The following DDRGK1 variants were observed in gnomAD, a reference collection of about 807,000 sequenced individuals.
DDRGK1 encodes DDRGK domain-containing protein 1.
In DDRGK1, 38 loss-of-function variants were observed where a neutral mutation model predicts 45.8. That is an observed-to-expected ratio of 0.83 (90% confidence interval 0.64 to 1.09). DDRGK1 has a LOEUF of 1.09. Ranked by LOEUF, DDRGK1 falls within the 50% of genes least tolerant of loss-of-function variation. The probability of loss-of-function intolerance (pLI) is 0.00; values close to 1 mark genes in which losing one functional copy is unlikely to be tolerated. For missense variants in DDRGK1, 403 were observed against 419.9 expected (o/e 0.96, Z 0.35); for synonymous variants, 171 against 168.7 (o/e 1.01, Z -0.11).
chr20:3,191,225 C>T lies in DDRGK1; in HGVS notation c.743G>A (p.Arg248His), dbSNP rs770146758. Reference protein sequence around the residue: ...VGLRTQDTINRIQDLLAEGTI... With the variant: ...VGLRTQDTINHIQDLLAEGTI... Reference sequence around the variant, plus strand: ...CCCCTCAGCCAGCAGGTCCTGGATGCGATTTATGGTGTCCTATGAGGAGAA... The same window carrying T: ...CCCCTCAGCCAGCAGGTCCTGGATGTGATTTATGGTGTCCTATGAGGAGAA... The change falls in exon 8 of 9, where the codon CGC becomes CAC. Residue 248 changes from arginine (R) to histidine (H), a missense_variant. Coordinates refer to ENST00000354488, the MANE Select transcript of DDRGK1 (RefSeq NM_023935.3). 1.6e-5 allele frequency: 26 copies of T among 1,614,074 alleles called. No individual in the cohort carries two copies. The highest frequency in any genetic ancestry group is 9.9e-5 in the South Asian group (9 of 91,096).
At position 3,194,887 on chromosome 20, in the gene DDRGK1, C is replaced by G. The variant is rs765411614; in HGVS notation, c.634-19G>C. The G allele has an allele frequency of 1.1e-5, 18 of 1,613,550 alleles. No individual in the cohort carries two copies. In the Admixed American group the frequency reaches 2.5e-4, roughly 22 times the overall value. On this transcript the variant is annotated intron_variant, in intron 5 of 8. Transcript: ENST00000354488. Reference sequence around the variant, plus strand: ...TCTGGGACTAGAGAAGCAGAGAAATCAGGGTGAGCACCCCCTAGCAAGCCC... The same window carrying G: ...TCTGGGACTAGAGAAGCAGAGAAATGAGGGTGAGCACCCCCTAGCAAGCCC...
intron 6 of DDRGK1, among the ~76,000 whole-genome samples, chr20:3,193,252 C>A (rs75358205): frequency 6.6e-6 from 1 of 151,996 alleles, no homozygotes; most frequent in Admixed American, 6.6e-5. Flanking sequence ...AATCTTAAGG[C>A]AAAAAAGGTC....
intron 6 of DDRGK1, among the ~76,000 whole-genome samples, chr20:3,193,482 T>C (rs1028661447): frequency 6.6e-6 from 1 of 152,200 alleles, no homozygotes; most frequent in Non-Finnish European, 1.5e-5. Flanking sequence ...GTGATTCTCC[T>C]GCCTCAGCCT....
At chr20:3,191,383 G>T in intron 7 of DDRGK1, 145 bp from the exon 8 acceptor site, 1 of 912,060 alleles carries the variant, frequency 1.1e-6, no homozygotes. Context: ...CCTTTGGAAG[G>T]GCCCTGGGTA....
intron 6 of DDRGK1, among the ~76,000 whole-genome samples, chr20:3,193,163 A>C (rs2066996387): frequency 6.6e-6 from 1 of 152,234 alleles, no homozygotes; most frequent in South Asian, 2.1e-4. Context: ...ATGGTCAGAC[A>C]GGAGAATGGA....
Position 3,190,529 on chromosome 20 carries a change from C to T in DDRGK1, c.*124G>A. 8.0e-7 allele frequency: 1 copy of T among 1,251,788 alleles called. No individual in the cohort carries two copies. Among genetic ancestry groups the T allele is most frequent in the Non-Finnish European group, 1.1e-6 (1 of 895,172 alleles). The allele number at this position is 1,251,788 out of a possible 1,614,324, so 77.5% of individuals were successfully genotyped here. ...CCAAGCCACACCAAGCTCAGCAGTA[C>T]TCACAGGCCTTTAATCTATAACTGC... On this transcript the variant is annotated 3_prime_UTR_variant, in exon 9 of 9. Transcript: ENST00000354488.
intron 2 of DDRGK1, 44 bp downstream of exon 2, chr20:3,203,169 C>G (rs528887476): frequency 8.6e-5 from 127 of 1,477,344 alleles, no homozygotes; most frequent in Middle Eastern, 1.8e-4. Context: ...TTTATCCCCC[C>G]CTCCAACCCA....
At chr20:3,195,531 C>G (rs1041192376) in intron 4 of DDRGK1, among the ~76,000 whole-genome samples, 178 bp from the exon 5 acceptor site, 1 of 152,146 alleles carries the variant, frequency 6.6e-6, no homozygotes, top group African/African-American at 2.4e-5. Context: ...GCCGAGGCCC[C>G]TCTTGTCATC....
Position 3,203,262 on chromosome 20 carries a change from C to CCGCTGGGCTCGA in DDRGK1, c.234_245dup (p.Arg79_Arg82dup). Reference sequence around the variant, plus strand: ...TCTCATCTGCTTCTGCCCAGGCCACCCGCTGGGCTCGACGCTGGGCCTGTA... The same window carrying CCGCTGGGCTCGA: ...TCTCATCTGCTTCTGCCCAGGCCACCCGCTGGGCTCGACGCTGGGCTCGACGCTGGGCCTGTA... On this transcript the variant is annotated inframe_insertion, in exon 2 of 9. Coordinates refer to ENST00000354488, the MANE Select transcript of DDRGK1 (RefSeq NM_023935.3). 1 of 1,606,462 alleles carries CCGCTGGGCTCGA rather than the reference C, an allele frequency of 6.2e-7. No homozygotes were observed. Among genetic ancestry groups the CCGCTGGGCTCGA allele is most frequent in the African/African-American group, 1.3e-5 (1 of 74,782 alleles).
chr20:3,197,417 G>A (rs1377563166), intron 4 of DDRGK1, among the ~76,000 whole-genome samples: 1 of 152,098 alleles, frequency 6.6e-6, no homozygotes, highest in African/African-American at 2.4e-5. Flanking sequence ...ACATTACAGT[G>A]GAGAAAGCTG....
chr20:3,200,511 T>TTGG, intron 2 of DDRGK1, 57 bp from the exon 3 acceptor site: 1 of 1,470,170 alleles, frequency 6.8e-7, no homozygotes, highest in Non-Finnish European at 9.3e-7. Flanking sequence ...CTGATGACGA[T>TTGG]GGATCCCCAA....
At chr20:3,200,261 A>T (rs910230439) in intron 3 of DDRGK1, 81 bp downstream of exon 3, 14 of 1,473,448 alleles carry the variant, frequency 9.5e-6, no homozygotes, top group Non-Finnish European at 1.3e-5. Flanking sequence ...GCAGGCAACA[A>T]GCCCTCAGTC....
chr20:3,196,401 GGC>G (rs1294093405), intron 4 of DDRGK1, among the ~76,000 whole-genome samples: 5 of 152,168 alleles, frequency 3.3e-5, no homozygotes, highest in Non-Finnish European at 5.9e-5. Context: ...AAGCTAGCCG[GGC>G]GTGGTGGCTC....
intron 2 of DDRGK1, 65 bp from the exon 3 acceptor site, chr20:3,200,519 C>A: frequency 2.1e-6 from 3 of 1,414,982 alleles, no homozygotes; most frequent in Non-Finnish European, 2.9e-6. Flanking sequence ...GATGGATCCC[C>A]AACCCCTCGT....
intron 3 of DDRGK1, 118 bp downstream of exon 3, chr20:3,200,224 G>T: frequency 6.9e-7 from 1 of 1,453,904 alleles, no homozygotes; most frequent in Non-Finnish European, 9.3e-7. Flanking sequence ...AGGAGACAGA[G>T]CCAGGGAAGC....
intron 7 of DDRGK1, 105 bp downstream of exon 7, chr20:3,191,660 A>G: frequency 1.5e-6 from 2 of 1,308,948 alleles, no homozygotes; most frequent in Non-Finnish European, 2.2e-6. Context: ...TTGGTTGGGG[A>G]CAAGGTAGAC....
intron 2 of DDRGK1, among the ~76,000 whole-genome samples, chr20:3,201,834 T>G (rs952168939): frequency 4.0e-5 from 6 of 150,862 alleles, no homozygotes; most frequent in African/African-American, 1.5e-4. Flanking sequence ...ATTTTTTTAT[T>G]TTTATTTTTA....
At chr20:3,200,612 A>AGT (rs1391845167) in intron 2 of DDRGK1, among the ~76,000 whole-genome samples, 158 bp from the exon 3 acceptor site, 9 of 152,058 alleles carry the variant, frequency 5.9e-5, no homozygotes, top group South Asian at 4.1e-4. Flanking sequence ...ATCTGCCATG[A>AGT]GTGCGTGTGT....
In DDRGK1 at chr20:3,199,571, A is replaced by G. The variant is rs376844187; in HGVS notation, c.510+430T>C. Among the ~76,000 whole-genome samples the G allele has an allele frequency of 1.7e-4, 26 of 152,314 alleles. No homozygotes were observed. The East Asian group carries it at 3.5e-3, about 20-fold the overall frequency. On this transcript the variant is annotated intron_variant, in intron 4 of 8. Transcript: ENST00000354488. ...GAAAGCATCTGGCAAACAAATGTTC[A>G]TTAGTCACTACTGCAGTGGACCCCA...
Sources: allele counts gnomAD v4.1 joint callset (sites outside exome capture counted in the v4.1 genomes callset), GRCh38; gene constraint gnomAD v4.1.1; transcripts MANE v1.5; gene names NCBI Gene and HGNC (gene_info 2026-07-23, HGNC 2026-07-21).